OTOF: variants seen among roughly 807,000 people sequenced by gnomAD.
OTOF encodes otoferlin, also known as fer-1-like family member 2.
Under a neutral mutation model 236.8 loss-of-function variants are expected in OTOF, and 218 were observed. That is an observed-to-expected ratio of 0.92 (90% CI 0.82 to 1.03). OTOF has a LOEUF of 1.03. Among genes scored for constraint, OTOF ranks in the 50% least tolerant of loss-of-function variants. The pLI is 0.00. For missense variants in OTOF, 2,590 were observed against 2,694.4 expected (o/e 0.96, Z 0.86); for synonymous variants, 1,041 against 1,072.5 (o/e 0.97, Z 0.57).
intron 3 of OTOF, among the ~76,000 whole-genome samples, chr2:26,521,360 G>A (rs1475893366): frequency 1.3e-5 from 2 of 152,180 alleles, no homozygotes; most frequent in African/African-American, 2.4e-5. Context: ...CCGCAGAGGT[G>A]CTGCAATGTG....
chr2:26,475,564 C>A, intron 24 of OTOF, 71 bp from the exon 25 acceptor site: 1 of 1,537,392 alleles, frequency 6.5e-7, no homozygotes, highest in Non-Finnish European at 9.0e-7. Flanking sequence ...AGAAGCCACC[C>A]CTACTCACTC....
intron 3 of OTOF, among the ~76,000 whole-genome samples, chr2:26,520,930 T>G (rs1666662029): frequency 6.6e-6 from 1 of 152,232 alleles, no homozygotes; most frequent in Non-Finnish European, 1.5e-5. Context: ...TATCCTCTTC[T>G]GTGGATATGC....
Position 26,474,540 on chromosome 2 carries a change from G to T in OTOF, c.3261C>A (p.Asp1087Glu), listed in dbSNP as rs1381151805. 6.2e-7 allele frequency: 1 copy of T among 1,612,560 alleles called. No individual in the cohort carries two copies. Among genetic ancestry groups the T allele is most frequent in the Non-Finnish European group, 8.5e-7 (1 of 1,179,770 alleles). ...QIYRGNATAG[D>E]LLAAFELLQI... The stretch of plus-strand genomic sequence containing the variant: ...GCAGCAGCTCGAAGGCCGCCAGCAG[G>T]TCTCCAGCTGTGGCGTTGCCACGGT... Residue 1087 changes from aspartate (D) to glutamate (E), a missense_variant, in exon 26 of 47, where the codon GAC becomes GAA. Physicochemically the swap from Asp to Glu is conservative, Grantham distance 45. Around this residue, in one of 2 missense-constraint regions of OTOF, gnomAD observed 1,211 missense variants for 1,352.8 expected, o/e 0.90. Coordinates refer to ENST00000272371, the MANE Select transcript of OTOF (RefSeq NM_194248.3).
At chr2:26,486,602 C>T (rs1188321347) in intron 11 of OTOF, among the ~76,000 whole-genome samples, 5 of 152,220 alleles carry the variant, frequency 3.3e-5, no homozygotes, top group East Asian at 1.9e-4. Context: ...GAAAGAGAGA[C>T]GTGTGAAAGT....
chr2:26,486,773 A>C (rs1306667735), intron 11 of OTOF, among the ~76,000 whole-genome samples: 1 of 152,036 alleles, frequency 6.6e-6, no homozygotes, highest in Non-Finnish European at 1.5e-5. Flanking sequence ...TTAACACTTG[A>C]CTCATGACTT....
At position 26,558,710 on chromosome 2, in the gene OTOF, AG is replaced by A; in HGVS notation, c.-140del. On this transcript the variant is annotated 5_prime_UTR_variant, in exon 1 of 47. Coordinates refer to ENST00000272371, the MANE Select transcript of OTOF (RefSeq NM_194248.3). ...GACCCCCCTCCGATGCTGCCCACAG[AG>A]ACCAAGGCAACCAAGCCGAGCTAAG... 1 of 714,978 alleles carries A rather than the reference AG, an allele frequency of 1.4e-6. No individual in the cohort carries two copies. 44.3% of individuals were successfully genotyped at this position (714,978 alleles called of 1,614,324 possible). A position where few individuals can be genotyped will look rare whatever the true frequency, so the allele number is the denominator to read the frequency against.
chr2:26,500,452 C>T (rs925366199), intron 8 of OTOF, among the ~76,000 whole-genome samples: 2 of 152,172 alleles, frequency 1.3e-5, no homozygotes, highest in Non-Finnish European at 2.9e-5. Flanking sequence ...TGGAATTCTC[C>T]AGTTCTCAGC....
At chr2:26,511,775 C>T (rs567827653) in intron 5 of OTOF, among the ~76,000 whole-genome samples, 5 of 152,328 alleles carry the variant, frequency 3.3e-5, no homozygotes, top group East Asian at 1.9e-4. Flanking sequence ...CCGGCTGCCC[C>T]GGCTCATCTG....
At chr2:26,479,752 G>A in intron 16 of OTOF, 99 bp from the exon 17 acceptor site, 1 of 1,164,796 alleles carries the variant, frequency 8.6e-7, no homozygotes. Flanking sequence ...AAGGGGAGAG[G>A]GAGAGTCAGG....
At chr2:26,479,052 C>T (rs980775649) in intron 18 of OTOF, among the ~76,000 whole-genome samples, 2 of 152,238 alleles carry the variant, frequency 1.3e-5, no homozygotes, top group African/African-American at 2.4e-5. Flanking sequence ...AACACTCCTG[C>T]CCCAGGATTC....
chr2:26,552,330 C>T (rs1175075386), intron 1 of OTOF, among the ~76,000 whole-genome samples: 3 of 152,046 alleles, frequency 2.0e-5, no homozygotes, highest in African/African-American at 4.8e-5. Flanking sequence ...GTTGAGGTTG[C>T]AGTGAACTAT....
Position 26,462,375 on chromosome 2 carries a change from T to C in OTOF, c.5193-194A>G, listed in dbSNP as rs930629065. 3.4e-5 allele frequency among the ~76,000 whole-genome samples: 5 copies of C among 146,102 alleles called. No homozygotes were observed. Among genetic ancestry groups the C allele is most frequent in the African/African-American group, 1.3e-4 (5 of 39,918 alleles). The stretch of plus-strand genomic sequence containing the variant: ...TGAGTGAGAAGGCCCACCAGGCACA[T>C]GGCTGTGGGCGGTGGGGGTGGGGTG... On this transcript the variant is annotated intron_variant, in intron 41 of 46. Transcript: ENST00000272371. The surrounding 1 kb of genome is among the most constrained non-coding windows in gnomAD (Gnocchi z 4.7).
At chr2:26,540,034 A>G (rs555858340) in intron 1 of OTOF, among the ~76,000 whole-genome samples, 1 of 152,218 alleles carries the variant, frequency 6.6e-6, no homozygotes, top group East Asian at 1.9e-4. Flanking sequence ...CCGGGGTTCA[A>G]ATGATTCTCG....
chr2:26,552,936 G>C (rs1272725693), intron 1 of OTOF, among the ~76,000 whole-genome samples: 1 of 152,232 alleles, frequency 6.6e-6, no homozygotes, highest in Non-Finnish European at 1.5e-5. Flanking sequence ...ACAGCCCACA[G>C]ACAGGCCTAG....
intron 1 of OTOF, among the ~76,000 whole-genome samples, chr2:26,554,718 T>C (rs773335242): frequency 6.6e-6 from 1 of 151,526 alleles, no homozygotes; most frequent in Non-Finnish European, 1.5e-5. Context: ...GGGTGTGGTA[T>C]CTTTTGGGAA....
chr2:26,502,777 T>C (rs1038659666), intron 6 of OTOF, among the ~76,000 whole-genome samples: 4 of 152,238 alleles, frequency 2.6e-5, no homozygotes, highest in Non-Finnish European at 5.9e-5. Flanking sequence ...GGATACTCTC[T>C]GTTCCAGGCA....
chr2:26,486,068 C>T (rs928764357), intron 11 of OTOF, among the ~76,000 whole-genome samples: 1 of 151,996 alleles, frequency 6.6e-6, no homozygotes, highest in Non-Finnish European at 1.5e-5. Context: ...GCCTGGCCGG[C>T]TGAGAGATAG....
intron 1 of OTOF, among the ~76,000 whole-genome samples, chr2:26,544,212 T>A (rs1667276246): frequency 6.6e-6 from 1 of 152,218 alleles, no homozygotes; most frequent in Non-Finnish European, 1.5e-5. Context: ...TAGGTGAAAC[T>A]TACATTCATG....
intron 18 of OTOF, among the ~76,000 whole-genome samples, chr2:26,478,684 T>A: frequency 9.6e-6 from 1 of 104,436 alleles, no homozygotes; most frequent in Admixed American, 1.0e-4. Context: ...CTTGCTTTTT[T>A]ATTTTGTTTT....
Sources: allele counts gnomAD v4.1 joint callset (sites outside exome capture counted in the v4.1 genomes callset), GRCh38; gene constraint gnomAD v4.1.1; regional missense constraint gnomAD v4.1.1; non-coding constraint Gnocchi (gnomAD v3.1); transcripts MANE v1.5; gene names NCBI Gene and HGNC (gene_info 2026-07-23, HGNC 2026-07-21).